The following SGK2 variants were observed in gnomAD, a reference collection of about 807,000 sequenced individuals.
The protein encoded by SGK2 is serum/glucocorticoid regulated kinase 2, also known as serine/threonine-protein kinase Sgk2.
Under a neutral mutation model 47.5 loss-of-function variants are expected in SGK2, and 36 were observed. The observed-to-expected ratio is 0.76, with a 90% CI of 0.58 to 1.00. The LOEUF (loss-of-function observed/expected upper bound fraction) is 1.00, where lower values mean the gene tolerates loss of function less well. Ranked by LOEUF, SGK2 falls within the 50% of genes least tolerant of loss-of-function variation. The pLI, the probability that SGK2 is intolerant of heterozygous loss-of-function variation, is 0.00. For synonymous variants in SGK2, 157 were observed against 181.9 expected (o/e 0.86, Z 1.10); for missense variants, 404 against 467.4 (o/e 0.86, Z 1.25).
intron 1 of SGK2, among the ~76,000 whole-genome samples, chr20:43,563,135 C>CAAAAAAAAAAAAAA (rs796539305): frequency 1.4e-4 from 10 of 70,604 alleles, no homozygotes; most frequent in Admixed American, 3.4e-4. Flanking sequence ...GACTCTGTCT[C>CAAAAAAAAAAAAAA]AAAAAAAAAA....
intron 12 of SGK2, among the ~76,000 whole-genome samples, chr20:43,582,341 G>A (rs1980847780): frequency 6.6e-6 from 1 of 152,104 alleles, no homozygotes; most frequent in African/African-American, 2.4e-5. Context: ...ACAGGTGTGA[G>A]CCACCACACC....
intron 7 of SGK2, 102 bp downstream of exon 7, chr20:43,570,831 G>T (rs1980063432): frequency 8.6e-6 from 11 of 1,278,878 alleles, no homozygotes; most frequent in Non-Finnish European, 1.2e-5. Flanking sequence ...GGTGGACTTG[G>T]TCCTTTGTTT....
intron 1 of SGK2, among the ~76,000 whole-genome samples, chr20:43,564,405 G>A (rs1186452015): frequency 6.6e-6 from 1 of 152,246 alleles, no homozygotes; most frequent in Non-Finnish European, 1.5e-5. Flanking sequence ...CATGGCTGAT[G>A]TCTGGGGACT....
intron 9 of SGK2, among the ~76,000 whole-genome samples, chr20:43,573,250 A>C (rs1306493342): frequency 6.6e-6 from 1 of 152,220 alleles, no homozygotes; most frequent in East Asian, 1.9e-4. Flanking sequence ...ACACTTTGGT[A>C]GGCCGAGGCA....
chr20:43,562,278 C>G (rs1401952027), intron 1 of SGK2, among the ~76,000 whole-genome samples: 4 of 150,536 alleles, frequency 2.7e-5, no homozygotes, highest in Non-Finnish European at 4.4e-5. Context: ...ATTAGCCAAG[C>G]CTGGTGGTGT....
chr20:43,575,002 C>G lies in SGK2; in HGVS notation c.691C>G (p.Leu231Val), dbSNP rs1391749452. 6.2e-6 allele frequency: 10 copies of G among 1,611,498 alleles called. No homozygotes were observed. Among genetic ancestry groups the G allele is most frequent in the Non-Finnish European group, 7.6e-6 (9 of 1,177,992 alleles). Residue 231 changes from leucine to valine, a missense_variant and splice_region_variant, in exon 10 of 13, where the codon CTG becomes GTG. By Grantham distance (32) the Leu-to-Val change is conservative. Coordinates refer to ENST00000373100, the MANE Select transcript of SGK2 (RefSeq NM_170693.3). Reference sequence around the variant, plus strand: ...AGTCCTCTACGAGATGCTCCATGGCCTGGTGAGTCAGGGGTAGCCATCTAC... The same window carrying G: ...AGTCCTCTACGAGATGCTCCATGGCGTGGTGAGTCAGGGGTAGCCATCTAC... The part of the protein sequence containing the change: ...GAVLYEMLHG[L>V]PPFYSQDVSQ...
Position 43,575,806 on chromosome 20 carries a change from AG to A in SGK2, c.694-417del, listed in dbSNP as rs1980427299. On this transcript the variant is annotated intron_variant, in intron 10 of 12. Transcript: ENST00000373100. ...GGTGTGGGAGGAAGAATAGTAAGAA[AG>A]AGAAGGGGACCCTGGATATGGTTTG... Among the ~76,000 whole-genome samples, 4 of 152,184 alleles carry A rather than the reference AG, an allele frequency of 2.6e-5. No homozygotes were observed. The South Asian group carries it at 8.3e-4, about 32-fold the overall frequency.
intron 12 of SGK2, among the ~76,000 whole-genome samples, chr20:43,581,762 C>T (rs966650541): frequency 2.6e-5 from 4 of 152,114 alleles, no homozygotes; most frequent in East Asian, 3.9e-4. Context: ...CTCCTGGCCC[C>T]GAGTGATCCA....
chr20:43,574,660 G>A (rs1241764118), intron 9 of SGK2, among the ~76,000 whole-genome samples: 4 of 152,220 alleles, frequency 2.6e-5, no homozygotes, highest in Non-Finnish European at 4.4e-5. Context: ...TGGTGCTTTT[G>A]TGTGGTACAC....
intron 12 of SGK2, among the ~76,000 whole-genome samples, chr20:43,581,616 G>A (rs184881434): frequency 5.3e-4 from 80 of 152,178 alleles, no homozygotes; most frequent in Middle Eastern, 3.4e-3. Context: ...GCAGTGGCAC[G>A]ATCTCAGGTT....
chr20:43,572,039 C>T lies in SGK2; in HGVS notation c.511-12C>T, dbSNP rs773061002. 17 of 1,545,192 alleles carry T rather than the reference C, an allele frequency of 1.1e-5. No individual in the cohort carries two copies. The highest frequency in any genetic ancestry group is 4.1e-5 in the African/African-American group (3 of 72,874). On this transcript the variant is annotated splice_polypyrimidine_tract_variant and intron_variant, in intron 8 of 12. Coordinates refer to ENST00000373100, the MANE Select transcript of SGK2 (RefSeq NM_170693.3). This position sits in a 1 kb window ranked among gnomAD's most constrained non-coding sequence, Gnocchi z 4.2. ...ATACCACCCTCCAGCCCATGCCCTC[C>T]GTCATTCTCAGGGACACGTGGTGCT...
At chr20:43,582,611 C>T (rs914471241) in intron 12 of SGK2, among the ~76,000 whole-genome samples, 1 of 151,766 alleles carries the variant, frequency 6.6e-6, no homozygotes, top group Non-Finnish European at 1.5e-5. Flanking sequence ...TGGTCTTGAA[C>T]TCCTGACCTC....
At chr20:43,570,953 C>G (rs1047880302) in intron 7 of SGK2, 71 bp from the exon 8 acceptor site, 24 of 1,608,892 alleles carry the variant, frequency 1.5e-5, no homozygotes, top group East Asian at 8.9e-5. Flanking sequence ...GACCACCCCC[C>G]GCCCAGGTCT....
chr20:43,570,772 TGCTCCAACA>T (rs1281005907), intron 7 of SGK2, 43 bp downstream of exon 7: 1 of 1,464,166 alleles, frequency 6.8e-7, no homozygotes. Context: ...AAGCCCTTCT[TGCTCCAACA>T]GCTAGGGGTT....
intron 7 of SGK2, 95 bp from the exon 8 acceptor site, chr20:43,570,929 A>G: frequency 6.3e-7 from 1 of 1,580,548 alleles, no homozygotes; most frequent in Non-Finnish European, 8.7e-7. Context: ...CTCCATGAAT[A>G]GTTCTCCTGC....
chr20:43,575,120 T>C (rs1191234020), intron 10 of SGK2, 116 bp downstream of exon 10: 1 of 667,210 alleles, frequency 1.5e-6, no homozygotes, highest in Non-Finnish European at 2.7e-6. Flanking sequence ...CATTCCAGAC[T>C]AAAAAAGATA....
At chr20:43,577,478 A>G (rs1439123837) in intron 11 of SGK2, among the ~76,000 whole-genome samples, 1 of 151,022 alleles carries the variant, frequency 6.6e-6, no homozygotes, top group East Asian at 1.9e-4. Flanking sequence ...CAGCCTCCCA[A>G]GTAGCTGGGA....
rs1301888039 is a variant in SGK2 at position 43,567,966 on chromosome 20, A to G, written c.195A>G (p.Val65=). The part of the protein sequence containing the change: ...KSDGAFYAVK[V]LQKKSILKKK... Reference sequence around the variant, plus strand: ...ATGGGGCGTTCTATGCAGTGAAGGTACTACAGAAAAAGTCCATCTTAAAGA... The same window carrying G: ...ATGGGGCGTTCTATGCAGTGAAGGTGCTACAGAAAAAGTCCATCTTAAAGA... Residue 65 remains valine, a synonymous_variant, in exon 5 of 13, where the codon GTA becomes GTG. Coordinates refer to ENST00000373100, the MANE Select transcript of SGK2 (RefSeq NM_170693.3). 1 of 1,614,192 alleles carries G rather than the reference A, an allele frequency of 6.2e-7. No individual in the cohort carries two copies. The highest frequency in any genetic ancestry group is 1.7e-5 in the Admixed American group (1 of 60,024).
At chr20:43,570,868 G>A (rs998310309) in intron 7 of SGK2, 139 bp downstream of exon 7, 32 of 1,315,462 alleles carry the variant, frequency 2.4e-5, no homozygotes, top group South Asian at 7.8e-5. Context: ...CTCCTCCTCC[G>A]AGGTCCAAGT....
Sources: gnomAD v4.1 joint callset for allele counts (sites outside exome capture counted in the v4.1 genomes callset) on GRCh38, gnomAD v4.1.1 for gene constraint, Gnocchi (gnomAD v3.1) non-coding constraint, MANE v1.5 for transcripts, NCBI Gene and HGNC (gene_info 2026-07-23, HGNC 2026-07-21) for gene names.